SPTBN4: variants seen among roughly 807,000 people sequenced by gnomAD.
SPTBN4 encodes spectrin beta chain, non-erythrocytic 4.
Under a neutral mutation model 277.8 loss-of-function variants are expected in SPTBN4, and 96 were observed. The observed-to-expected ratio is 0.35, with a 90% CI of 0.29 to 0.41. The LOEUF (loss-of-function observed/expected upper bound fraction) is 0.41. Among genes scored for constraint, SPTBN4 ranks in the 10% least tolerant of loss-of-function variants. SPTBN4 has a pLI of 1.00. For synonymous variants in SPTBN4, 1,481 were observed against 1,580.3 expected, an observed-to-expected ratio of 0.94 and a Z score of 1.49; for missense variants, 3,006 against 3,595.7, an observed-to-expected ratio of 0.84 and a Z score of 4.19.
At chr19:40,514,094 T>C (rs2080426493) in intron 14 of SPTBN4, among the ~76,000 whole-genome samples, 1 of 152,248 alleles carries the variant, frequency 6.6e-6, no homozygotes, top group African/African-American at 2.4e-5. Flanking sequence ...GTCTGTTGGC[T>C]GACTTAGCAA....
chr19:40,505,042 A>AAG (rs148908164), intron 12 of SPTBN4, among the ~76,000 whole-genome samples: 26,877 of 149,460 alleles, frequency 0.18, 2,681 homozygotes, highest in Non-Finnish European at 0.23. Flanking sequence ...GAATCAATTT[A>AAG]AGAGAGAGAG....
intron 18 of SPTBN4, among the ~76,000 whole-genome samples, chr19:40,531,359 G>A (rs1411258898): frequency 2.0e-5 from 3 of 151,434 alleles, no homozygotes; most frequent in Admixed American, 6.6e-5. Flanking sequence ...GGGAGCACAT[G>A]CTCAGGGGAC....
chr19:40,469,265 T>C (rs2079858115), intron 1 of SPTBN4, among the ~76,000 whole-genome samples: 1 of 152,070 alleles, frequency 6.6e-6, no homozygotes, highest in African/African-American at 2.4e-5. Context: ...TTAGTCTTTT[T>C]TTTTTCCTTT....
intron 2 of SPTBN4, among the ~76,000 whole-genome samples, chr19:40,473,877 C>T (rs2079915794): frequency 6.6e-6 from 1 of 151,708 alleles, no homozygotes; most frequent in Non-Finnish European, 1.5e-5. Flanking sequence ...CGCGGTGGCT[C>T]ACGCCTGTAA....
intron 35 of SPTBN4, among the ~76,000 whole-genome samples, chr19:40,573,817 A>T (rs2081176196): frequency 7.1e-6 from 1 of 140,132 alleles, no homozygotes; most frequent in South Asian, 2.3e-4. Flanking sequence ...AACAAAATAA[A>T]CAGGCCGGGC....
At chr19:40,546,238 A>G (rs112136737) in intron 20 of SPTBN4, among the ~76,000 whole-genome samples, 36 of 151,290 alleles carry the variant, frequency 2.4e-4, no homozygotes, top group Non-Finnish European at 3.7e-4. Context: ...AAAAAAAAAA[A>G]AAAGAAAGAA....
Position 40,554,449 on chromosome 19 carries a change from A to T in SPTBN4, c.4953+24A>T, listed in dbSNP as rs1184066262. ...AGGTGCGCCCGAGCTGGGGGTGCGG[A>T]GGGCCTGGGGGCGCTGGAGCCGGGG... On this transcript the variant is annotated intron_variant, in intron 23 of 35. Coordinates refer to ENST00000598249, the MANE Select transcript of SPTBN4 (RefSeq NM_020971.3). This position sits in a 1 kb window ranked among gnomAD's most constrained non-coding sequence, Gnocchi z 5.7. 6.5e-7 allele frequency: 1 copy of T among 1,530,552 alleles called. No homozygotes were observed. The highest frequency in any genetic ancestry group is 1.2e-5 in the South Asian group (1 of 81,068). 94.8% of individuals were successfully genotyped at this position (1,530,552 alleles called of 1,614,324 possible). A position where few individuals can be genotyped will look rare whatever the true frequency, so the allele number is the denominator to read the frequency against.
rs781162962 is a variant in SPTBN4 at position 40,519,593 on chromosome 19, G to A, written c.3096G>A (p.Gln1032=). The change falls in exon 16 of 36, where the codon CAG becomes CAA. Residue 1032 remains glutamine (Q), a synonymous_variant. Coordinates refer to ENST00000598249, the MANE Select transcript of SPTBN4 (RefSeq NM_020971.3). This position sits in a 1 kb window ranked among gnomAD's most constrained non-coding sequence, Gnocchi z 5.7. ...WRLSGLEAAL[Q]ALEPRQAALL... is the part of the protein sequence containing the mutation. ...TTAGCGGCCTAGAGGCCGCTCTGCA[G>A]GCGCTGGAGCCGCGCCAGGCGGCCC... 1 of 1,477,512 alleles carries A rather than the reference G, an allele frequency of 6.8e-7. No homozygotes were observed. The highest frequency in any genetic ancestry group is 8.9e-7 in the Non-Finnish European group (1 of 1,124,448). 91.5% of individuals were successfully genotyped at this position (1,477,512 alleles called of 1,614,324 possible).
intron 20 of SPTBN4, among the ~76,000 whole-genome samples, chr19:40,543,200 C>T (rs754113586): frequency 1.3e-5 from 2 of 152,066 alleles, no homozygotes; most frequent in African/African-American, 4.8e-5. Context: ...CCTGTAATCC[C>T]ACACTTTAGG....
chr19:40,505,832 AAG>A (rs1379840438), intron 12 of SPTBN4, among the ~76,000 whole-genome samples: 2 of 152,046 alleles, frequency 1.3e-5, no homozygotes, highest in East Asian at 3.8e-4. Flanking sequence ...GAAATGTAGA[AAG>A]AGAGGCAGAG....
At chr19:40,484,588 G>C (rs909911239) in intron 2 of SPTBN4, among the ~76,000 whole-genome samples, 1 of 152,050 alleles carries the variant, frequency 6.6e-6, no homozygotes, top group Non-Finnish European at 1.5e-5. Context: ...TGGGAGTCAG[G>C]GGAAGAAAGA....
At chr19:40,571,024 A>G (rs1002519824) in intron 33 of SPTBN4, 10 of 411,942 alleles carry the variant, frequency 2.4e-5, no homozygotes, top group African/African-American at 2.1e-4. Flanking sequence ...AAGGGGCAGG[A>G]CCTAAGGTTA....
At chr19:40,492,159 G>A (rs1453992872) in intron 4 of SPTBN4, among the ~76,000 whole-genome samples, 1 of 152,164 alleles carries the variant, frequency 6.6e-6, no homozygotes, top group Non-Finnish European at 1.5e-5. Flanking sequence ...AAGCAACAAG[G>A]GGCAGGTGGG....
At chr19:40,564,535 A>G (rs1051891350) in intron 27 of SPTBN4, among the ~76,000 whole-genome samples, 15 of 152,116 alleles carry the variant, frequency 9.9e-5, no homozygotes, top group African/African-American at 3.4e-4. Flanking sequence ...ATAGCTAGAA[A>G]AAGTTTGAAA....
intron 7 of SPTBN4, among the ~76,000 whole-genome samples, chr19:40,499,050 C>A (rs1486508505): frequency 6.6e-6 from 1 of 151,860 alleles, no homozygotes; most frequent in East Asian, 1.9e-4. Context: ...TTATTTGAGA[C>A]AGAGCCTCGC....
intron 2 of SPTBN4, among the ~76,000 whole-genome samples, chr19:40,481,982 G>T (rs184636138): frequency 6.6e-6 from 1 of 151,548 alleles, no homozygotes; most frequent in East Asian, 2.0e-4. Flanking sequence ...TGTTGCCCAG[G>T]CTGGAGTGCA....
At position 40,490,027 on chromosome 19, in the gene SPTBN4, C is replaced by T; in HGVS notation, c.322-48C>T. ...AAGCTGCGGGGCCGAGGGCGCCATA[C>T]TCCTGTCTGTCCAGACCCCCGATCG... On this transcript the variant is annotated intron_variant, in intron 3 of 35. Transcript: ENST00000598249. The surrounding 1 kb of genome is among the most constrained non-coding windows in gnomAD (Gnocchi z 4.3). 3 of 1,524,082 alleles carry T rather than the reference C, an allele frequency of 2.0e-6. No homozygotes were observed. Among genetic ancestry groups the T allele is most frequent in the South Asian group, 2.6e-5 (2 of 78,212 alleles). The allele number at this position is 1,524,082 out of a possible 1,614,324, so 94.4% of individuals were successfully genotyped here.
At chr19:40,535,560 C>CAA (rs56829015) in intron 20 of SPTBN4, among the ~76,000 whole-genome samples, 4 of 115,924 alleles carry the variant, frequency 3.5e-5, no homozygotes, top group Admixed American at 9.3e-5. Context: ...TAGTGTATGG[C>CAA]AAAAAAAAAA....
intron 13 of SPTBN4, among the ~76,000 whole-genome samples, chr19:40,508,440 A>G (rs1286023379): frequency 6.6e-6 from 1 of 152,188 alleles, no homozygotes; most frequent in African/African-American, 2.4e-5. Context: ...TAATCCCAGC[A>G]CTTTGAGAGG....
Sources: allele counts gnomAD v4.1 joint callset (sites outside exome capture counted in the v4.1 genomes callset), GRCh38; gene constraint gnomAD v4.1.1; non-coding constraint Gnocchi (gnomAD v3.1); transcripts MANE v1.5; gene names NCBI Gene and HGNC (gene_info 2026-07-23, HGNC 2026-07-21).